NAA16: variants seen among roughly 807,000 people sequenced by gnomAD.
NAA16 encodes N-alpha-acetyltransferase 16, NatA auxiliary subunit.
A neutral mutation model predicts 110.3 loss-of-function variants in NAA16; 97 were observed. That is an observed-to-expected ratio of 0.88 (90% CI 0.75 to 1.04). The LOEUF is 1.04. NAA16 is among the 50% of genes least tolerant of loss of function. NAA16 has a pLI of 0.00. For synonymous variants in NAA16, 372 were observed against 330.6 expected, an observed-to-expected ratio of 1.13 and a Z score of -1.36; for missense variants, 1,017 against 1,005.1, an observed-to-expected ratio of 1.01 and a Z score of -0.16.
At chr13:41,342,130 C>CCT (rs542884744) in intron 9 of NAA16, among the ~76,000 whole-genome samples, 14 of 147,552 alleles carry the variant, frequency 9.5e-5, no homozygotes, top group Admixed American at 3.4e-4. Flanking sequence ...CCGCACCGGG[C>CCT]CTCTCTCTCT....
intron 9 of NAA16, among the ~76,000 whole-genome samples, chr13:41,350,168 G>T (rs577068967): frequency 6.6e-6 from 1 of 151,506 alleles, no homozygotes; most frequent in East Asian, 1.9e-4. Flanking sequence ...AGGCTGAGGT[G>T]GGAGAACCAC....
rs143165528 is a variant in NAA16 at position 41,366,011 on chromosome 13, G to T, written c.1540-1428G>T. ...TGTATTGAATTTTTAAAATATTCTTGTGCTAGTTATAACTTGATTTACATT... is the reference window on the plus strand; with the variant it reads ...TGTATTGAATTTTTAAAATATTCTTTTGCTAGTTATAACTTGATTTACATT... On this transcript the variant is annotated intron_variant, in intron 13 of 19. Coordinates refer to ENST00000379406, the MANE Select transcript of NAA16 (RefSeq NM_024561.5). 8.2e-4 allele frequency among the ~76,000 whole-genome samples: 125 copies of T among 152,022 alleles called. 1 individual carries two copies. The highest frequency in any genetic ancestry group is 2.8e-3 in the African/African-American group (118 of 41,466).
At chr13:41,354,807 A>G (rs1296065945) in intron 9 of NAA16, 1 of 165,222 alleles carries the variant, frequency 6.1e-6, no homozygotes, top group African/African-American at 2.4e-5. Flanking sequence ...CAAACCTTGA[A>G]TCATTTCACT....
At chr13:41,363,984 T>C (rs1316028561) in intron 13 of NAA16, among the ~76,000 whole-genome samples, 1 of 152,044 alleles carries the variant, frequency 6.6e-6, no homozygotes, top group Non-Finnish European at 1.5e-5. Context: ...ATAAATAGGG[T>C]GACTAGGTTG....
At chr13:41,345,576 G>A (rs1412456081) in intron 9 of NAA16, among the ~76,000 whole-genome samples, 1 of 151,770 alleles carries the variant, frequency 6.6e-6, no homozygotes, top group East Asian at 1.9e-4. Flanking sequence ...GGTTTTTTTA[G>A]GTTTTTTCGT....
chr13:41,344,131 T>C (rs2042624038), intron 9 of NAA16, among the ~76,000 whole-genome samples: 1 of 152,230 alleles, frequency 6.6e-6, no homozygotes, highest in Non-Finnish European at 1.5e-5. Context: ...TATTTTCTTC[T>C]CATATTTTCT....
At position 41,358,882 on chromosome 13, in the gene NAA16, A is replaced by G. The variant is rs745810391; in HGVS notation, c.1330A>G (p.Ile444Val). 9 of 1,612,818 alleles carry G rather than the reference A, an allele frequency of 5.6e-6. No homozygotes were observed. Among genetic ancestry groups the G allele is most frequent in the Non-Finnish European group, 7.6e-6 (9 of 1,179,166 alleles). The part of the protein sequence containing the change: ...AQSLDTADRF[I>V]NSKCAKYMLR... ...GTCTTTGGACACAGCTGATAGATTC[A>G]TCAATTCCAAATGTGCAAAATACAT... Residue 444 changes from isoleucine to valine, a missense_variant, in exon 12 of 20, where the codon ATC (isoleucine) becomes GTC (valine). Physicochemically the swap from Ile to Val is conservative, Grantham distance 29. Transcript: ENST00000379406.
chr13:41,332,843 G>A (rs1263821683), intron 8 of NAA16, among the ~76,000 whole-genome samples: 1 of 152,120 alleles, frequency 6.6e-6, no homozygotes, highest in East Asian at 1.9e-4. Context: ...TGATTAGACA[G>A]TAGATAGAAA....
chr13:41,344,222 A>G (rs553744708), intron 9 of NAA16, among the ~76,000 whole-genome samples: 2 of 152,328 alleles, frequency 1.3e-5, no homozygotes, highest in African/African-American at 4.8e-5. Flanking sequence ...GTTTTTCACA[A>G]GGTTGTAAAC....
intron 2 of NAA16, among the ~76,000 whole-genome samples, chr13:41,317,517 C>G (rs1226060324): frequency 3.3e-5 from 5 of 152,052 alleles, no homozygotes; most frequent in African/African-American, 4.8e-5. Flanking sequence ...AAATAATGAT[C>G]CTGTAGCATA....
chr13:41,360,269 AG>A (rs1447524352), intron 12 of NAA16, among the ~76,000 whole-genome samples: 2 of 152,160 alleles, frequency 1.3e-5, no homozygotes, highest in Non-Finnish European at 2.9e-5. Flanking sequence ...TGATGGTCAA[AG>A]GAAATGCTCA....
chr13:41,313,279 C>G (rs77448288), intron 1 of NAA16, among the ~76,000 whole-genome samples: 7,351 of 152,196 alleles, frequency 0.048, 236 homozygotes, highest in South Asian at 0.1. Context: ...AGGCTACTGT[C>G]GAATTCCTGG....
Position 41,338,758 on chromosome 13 carries a change from A to T in NAA16, c.1014+2002A>T, listed in dbSNP as rs553845913. 2.8e-4 allele frequency among the ~76,000 whole-genome samples: 43 copies of T among 151,732 alleles called. 1 individual carries two copies. The South Asian group carries it at 8.9e-3, about 32-fold the overall frequency. ...AAGTTTTGTGTTTGACTTTTTTTGT[A>T]GTTTCAAAAAAATTATTTCAATAGA... On this transcript the variant is annotated intron_variant, in intron 9 of 19. Coordinates refer to ENST00000379406, the MANE Select transcript of NAA16 (RefSeq NM_024561.5).
intron 7 of NAA16, among the ~76,000 whole-genome samples, chr13:41,329,816 T>C (rs1205397441): frequency 6.6e-6 from 1 of 152,020 alleles, no homozygotes; most frequent in Non-Finnish European, 1.5e-5. Context: ...ACATTACGAT[T>C]TATAAAAATA....
intron 16 of NAA16, 119 bp from the exon 17 acceptor site, chr13:41,372,613 C>T: frequency 1.5e-6 from 2 of 1,337,904 alleles, no homozygotes; most frequent in Non-Finnish European, 1.9e-6. Flanking sequence ...TTTAATTTTG[C>T]TTACGAGTGT....
chr13:41,372,240 T>C lies in NAA16; in HGVS notation c.1985T>C (p.Ile662Thr), dbSNP rs2043335865. 6.2e-7 allele frequency: 1 copy of C among 1,601,660 alleles called. No homozygotes were observed. The highest frequency in any genetic ancestry group is 8.5e-7 in the Non-Finnish European group (1 of 1,175,112). ...TTAGAGGAAGCCGTTAAGTTCCTTA[T>C]ACCTCTTAAGAACCTTGTTGCTGAT... Reference protein sequence around the residue: ...NPLEEAVKFLIPLKNLVADNI... With the variant: ...NPLEEAVKFLTPLKNLVADNI... The change falls in exon 16 of 20, where the codon ATA becomes ACA. Residue 662 changes from isoleucine (I) to threonine (T), a missense_variant. Coordinates refer to ENST00000379406, the MANE Select transcript of NAA16 (RefSeq NM_024561.5).
At chr13:41,317,847 C>T (rs1235062666) in intron 2 of NAA16, among the ~76,000 whole-genome samples, 4 of 152,136 alleles carry the variant, frequency 2.6e-5, no homozygotes, top group African/African-American at 9.7e-5. Flanking sequence ...TTGTGTAATT[C>T]CCTTCTTGTG....
At chr13:41,341,648 T>C (rs1459426980) in intron 9 of NAA16, among the ~76,000 whole-genome samples, 1 of 152,078 alleles carries the variant, frequency 6.6e-6, no homozygotes, top group Non-Finnish European at 1.5e-5. Flanking sequence ...GCTTTGGAGG[T>C]CAAGGTTGCA....
At chr13:41,367,355 T>C (rs2043225684) in intron 13 of NAA16, 84 bp from the exon 14 acceptor site, 1 of 907,970 alleles carries the variant, frequency 1.1e-6, no homozygotes, top group East Asian at 2.6e-5. Context: ...AATTGTTTTT[T>C]GGGCTTTTTA....
Sources: gnomAD v4.1 joint callset for allele counts (sites outside exome capture counted in the v4.1 genomes callset) on GRCh38, gnomAD v4.1.1 for gene constraint, MANE v1.5 for transcripts, NCBI Gene and HGNC (gene_info 2026-07-23, HGNC 2026-07-21) for gene names.